Variants in SLC2A13 observed in about 807,000 individuals in gnomAD.
The protein encoded by SLC2A13 is solute carrier family 2 member 13.
SLC2A13 carries 32 observed loss-of-function variants against 64.4 expected under a neutral mutation model. The observed-to-expected ratio is 0.50, with a 90% confidence interval of 0.37 to 0.67. The LOEUF (loss-of-function observed/expected upper bound fraction) is 0.67, where lower values mean the gene tolerates loss of function less well. Ranked by LOEUF, SLC2A13 falls within the 30% of genes least tolerant of loss-of-function variation. SLC2A13 has a pLI of 0.00. For synonymous variants in SLC2A13, 338 were observed against 327.1 expected (o/e 1.03, Z -0.36); for missense variants, 743 against 829.2 (o/e 0.90, Z 1.28).
At chr12:40,005,018 AC>A (rs1158222480) in intron 3 of SLC2A13, among the ~76,000 whole-genome samples, 1 of 152,084 alleles carries the variant, frequency 6.6e-6, no homozygotes, top group African/African-American at 2.4e-5. Context: ...AAGAAAATCC[AC>A]CTGTAAGTTC....
intron 6 of SLC2A13, 166 bp from the exon 7 acceptor site, chr12:39,830,394 G>A: frequency 7.3e-7 from 1 of 1,374,700 alleles, no homozygotes; most frequent in Non-Finnish European, 9.4e-7. Context: ...CCAGGTGAGA[G>A]CTGGCTGGTC....
chr12:39,827,176 A>G (rs543766105), intron 7 of SLC2A13, among the ~76,000 whole-genome samples: 46 of 151,840 alleles, frequency 3.0e-4, no homozygotes, highest in Non-Finnish European at 5.9e-4. Context: ...TTTAGGACCT[A>G]CTTTTCATTC....
In SLC2A13 at chr12:39,764,740, G is replaced by C; in HGVS notation, c.1564C>G (p.Pro522Ala). 1 of 1,612,222 alleles carries C rather than the reference G, an allele frequency of 6.2e-7. No homozygotes were observed. The highest frequency in any genetic ancestry group is 1.7e-5 in the Admixed American group (1 of 59,726). Residue 522 changes from proline to alanine, a missense_variant, in exon 8 of 10, where the codon CCT (proline) becomes GCT (alanine). Pro to Ala is a conservative substitution (Grantham distance 27). Coordinates refer to ENST00000280871, the MANE Select transcript of SLC2A13 (RefSeq NM_052885.4). ...GLILYLVFFA[P>A]GMGPMPWTVN... ...GTATAACAAAGTCTTTGTTTACCAGGTGCAAAGAAGACAAGATATAAAATA... is the reference window on the plus strand; with the variant it reads ...GTATAACAAAGTCTTTGTTTACCAGCTGCAAAGAAGACAAGATATAAAATA...
Position 40,105,871 on chromosome 12 carries a change from T to C in SLC2A13, c.-63A>G. On this transcript the variant is annotated 5_prime_UTR_variant, in exon 1 of 10. Coordinates refer to ENST00000280871, the MANE Select transcript of SLC2A13 (RefSeq NM_052885.4). This position sits in a 1 kb window ranked among gnomAD's most constrained non-coding sequence, Gnocchi z 4.2. Reference sequence around the variant, plus strand: ...CCGCGGGCCGGCAGTCTCGGCGAGCTAGACAGCCCGAGCCGGCGGGAGCAA... The same window carrying C: ...CCGCGGGCCGGCAGTCTCGGCGAGCCAGACAGCCCGAGCCGGCGGGAGCAA... The C allele has an allele frequency of 1.5e-6, 2 of 1,297,060 alleles. No homozygotes were observed. Among genetic ancestry groups the C allele is most frequent in the Non-Finnish European group, 2.0e-6 (2 of 1,022,832 alleles). 80.3% of individuals were successfully genotyped at this position (1,297,060 alleles called of 1,614,324 possible). A position where few individuals can be genotyped will look rare whatever the true frequency, so the allele number is the denominator to read the frequency against.
chr12:39,954,414 A>C (rs964040935), intron 3 of SLC2A13, among the ~76,000 whole-genome samples: 2 of 152,148 alleles, frequency 1.3e-5, no homozygotes, highest in Non-Finnish European at 2.9e-5. Context: ...TTGAGTACTG[A>C]TCAGTGTAGG....
intron 4 of SLC2A13, among the ~76,000 whole-genome samples, chr12:39,880,991 T>C (rs1944323704): frequency 2.0e-5 from 3 of 152,254 alleles, no homozygotes; most frequent in African/African-American, 4.8e-5. Flanking sequence ...ATTTGTTGAA[T>C]TGTATGTATA....
At chr12:39,896,236 G>A (rs1215407777) in intron 4 of SLC2A13, among the ~76,000 whole-genome samples, 1 of 99,482 alleles carries the variant, frequency 1.0e-5, no homozygotes, top group East Asian at 3.4e-4. Context: ...ATGCATATGT[G>A]TATATATGTA....
At chr12:39,935,115 A>G (rs998410788) in intron 4 of SLC2A13, among the ~76,000 whole-genome samples, 7 of 152,152 alleles carry the variant, frequency 4.6e-5, no homozygotes, top group African/African-American at 1.4e-4. Context: ...TATGGCTGGG[A>G]CCGGTGGCTC....
intron 5 of SLC2A13, among the ~76,000 whole-genome samples, chr12:39,868,646 A>G (rs911563158): frequency 2.0e-5 from 3 of 152,156 alleles, no homozygotes; most frequent in Non-Finnish European, 4.4e-5. Context: ...AAAATACATG[A>G]GGGGGGAAAA....
At chr12:39,929,705 A>C (rs1460754343) in intron 4 of SLC2A13, among the ~76,000 whole-genome samples, 1 of 152,182 alleles carries the variant, frequency 6.6e-6, no homozygotes. Flanking sequence ...CTGTAAGAAG[A>C]GCAGAATCAC....
At position 40,105,239 on chromosome 12, in the gene SLC2A13, G is replaced by A; in HGVS notation, c.556+14C>T. On this transcript the variant is annotated intron_variant, in intron 1 of 9. Coordinates refer to ENST00000280871, the MANE Select transcript of SLC2A13 (RefSeq NM_052885.4). The surrounding 1 kb of genome is among the most constrained non-coding windows in gnomAD (Gnocchi z 4.2). ...AATGGGATCCCGGGCGCCCTTCACGGAGCCCGAACTCACCGATGCCGAGTC... is the reference window on the plus strand; with the variant it reads ...AATGGGATCCCGGGCGCCCTTCACGAAGCCCGAACTCACCGATGCCGAGTC... The A allele has an allele frequency of 6.4e-7, 1 of 1,568,944 alleles. No homozygotes were observed.
chr12:39,997,672 A>G (rs1005750422), intron 3 of SLC2A13, among the ~76,000 whole-genome samples: 2 of 152,122 alleles, frequency 1.3e-5, no homozygotes, highest in Non-Finnish European at 1.5e-5. Context: ...CTACTAAAAA[A>G]TACAAAAAAT....
intron 1 of SLC2A13, among the ~76,000 whole-genome samples, chr12:40,077,746 T>C (rs572851263): frequency 6.6e-6 from 1 of 152,300 alleles, no homozygotes; most frequent in East Asian, 1.9e-4. Flanking sequence ...GTTGGACATA[T>C]GGCCATTTAA....
intron 1 of SLC2A13, among the ~76,000 whole-genome samples, chr12:40,049,798 T>G (rs947440409): frequency 1.3e-5 from 2 of 152,168 alleles, no homozygotes; most frequent in African/African-American, 4.8e-5. Context: ...TACATATTTA[T>G]TTGGGAAAAT....
At position 39,919,067 on chromosome 12, in the gene SLC2A13, G is replaced by A. The variant is rs554621976; in HGVS notation, c.1034+32190C>T. Among the ~76,000 whole-genome samples, 7 of 151,512 alleles carry A rather than the reference G, an allele frequency of 4.6e-5. No homozygotes were observed. The East Asian group carries it at 7.8e-4, about 17-fold the overall frequency. On this transcript the variant is annotated intron_variant, in intron 4 of 9. Coordinates refer to ENST00000280871, the MANE Select transcript of SLC2A13 (RefSeq NM_052885.4). ...TCAATCATAGCTCCCTGCCACCTCC[G>A]TCTACTGGGCTCAAGTGATCCTCCC...
At chr12:39,960,827 A>G (rs1387572302) in intron 3 of SLC2A13, among the ~76,000 whole-genome samples, 1 of 141,202 alleles carries the variant, frequency 7.1e-6, no homozygotes, top group African/African-American at 2.6e-5. Flanking sequence ...GGCTCACTGC[A>G]ACCTCAGTCT....
chr12:39,868,248 C>T (rs1255677629), intron 5 of SLC2A13, among the ~76,000 whole-genome samples: 1 of 152,116 alleles, frequency 6.6e-6, no homozygotes, highest in African/African-American at 2.4e-5. Flanking sequence ...TAACCAAATA[C>T]AGTATTAGAT....
rs80226330 is a variant in SLC2A13 at position 39,857,231 on chromosome 12, C to G, written c.1319+7531G>C. ...AAGTTCAAGAAGGAATGAAAATTAC[C>G]TTTCAAATAAGGATATAAATTACAG... On this transcript the variant is annotated intron_variant, in intron 6 of 9. Coordinates refer to ENST00000280871, the MANE Select transcript of SLC2A13 (RefSeq NM_052885.4). Among the ~76,000 whole-genome samples the G allele has an allele frequency of 5.0e-4, 76 of 152,228 alleles. No individual in the cohort carries two copies. In the East Asian group the frequency reaches 9.8e-3, roughly 20 times the overall value.
intron 1 of SLC2A13, among the ~76,000 whole-genome samples, chr12:40,088,033 AT>A (rs1186330332): frequency 6.6e-6 from 1 of 152,224 alleles, no homozygotes; most frequent in East Asian, 1.9e-4. Flanking sequence ...GTATACTACC[AT>A]GTGCCAGGCA....
Sources: gnomAD v4.1 joint callset for allele counts (sites outside exome capture counted in the v4.1 genomes callset) on GRCh38, gnomAD v4.1.1 for gene constraint, Gnocchi (gnomAD v3.1) non-coding constraint, MANE v1.5 for transcripts, NCBI Gene and HGNC (gene_info 2026-07-23, HGNC 2026-07-21) for gene names.